FNDC3A: variants seen among roughly 807,000 people sequenced by gnomAD.
The protein encoded by FNDC3A is fibronectin type-III domain-containing protein 3A.
FNDC3A carries 32 observed loss-of-function variants against 148.9 expected under a neutral mutation model. The ratio of observed to expected loss-of-function variants is 0.21; its 90% CI spans 0.16 to 0.29. The LOEUF (loss-of-function observed/expected upper bound fraction) is 0.29, where lower values mean the gene tolerates loss of function less well. Among genes scored for constraint, FNDC3A ranks in the 10% least tolerant of loss-of-function variants. FNDC3A has a pLI of 1.00. For synonymous variants in FNDC3A, 472 were observed against 473.6 expected (o/e 1.00, Z 0.04); for missense variants, 1,191 against 1,452.8 (o/e 0.82, Z 2.93).
chr13:49,117,088 CA>C (rs146466620), intron 4 of FNDC3A, among the ~76,000 whole-genome samples: 2,754 of 152,220 alleles, frequency 0.018, 80 homozygotes, highest in African/African-American at 0.063. Flanking sequence ...TACTTATCTT[CA>C]TATCCTCAAT....
chr13:49,115,508 T>C (rs1457309923), intron 4 of FNDC3A, among the ~76,000 whole-genome samples: 1 of 152,212 alleles, frequency 6.6e-6, no homozygotes, highest in African/African-American at 2.4e-5. Flanking sequence ...GTGGATTTTC[T>C]GCACACTCTG....
intron 2 of FNDC3A, among the ~76,000 whole-genome samples, chr13:49,015,028 A>T (rs999453324): frequency 6.6e-6 from 1 of 152,066 alleles, no homozygotes; most frequent in Non-Finnish European, 1.5e-5. Flanking sequence ...GAAGTCAGGT[A>T]GCGTGATGCC....
intron 8 of FNDC3A, chr13:49,146,173 G>C (rs1002297236): frequency 2.3e-6 from 1 of 429,354 alleles, no homozygotes; most frequent in Non-Finnish European, 4.1e-6. Flanking sequence ...TTTCCCAGTA[G>C]GCTCCCTAAT....
intron 2 of FNDC3A, among the ~76,000 whole-genome samples, chr13:49,054,535 C>T (rs1213437222): frequency 6.6e-6 from 1 of 152,210 alleles, no homozygotes; most frequent in African/African-American, 2.4e-5. Flanking sequence ...ACCCAAACCA[C>T]CTTGGGCACA....
At position 49,136,319 on chromosome 13, in the gene FNDC3A, T is replaced by G. The variant is rs1882353194; in HGVS notation, c.491-13T>G. 1 of 1,598,344 alleles carries G rather than the reference T, an allele frequency of 6.3e-7. No individual in the cohort carries two copies. Among genetic ancestry groups the G allele is most frequent in the East Asian group, 2.2e-5 (1 of 44,602 alleles). On this transcript the variant is annotated splice_polypyrimidine_tract_variant and intron_variant, in intron 5 of 25. Coordinates refer to ENST00000492622, the MANE Select transcript of FNDC3A (RefSeq NM_001079673.2). ...AGTGATCTTCTTAACATTTTGTTTTTATTGCCTCCTAGATGCTCACTCTAC... is the reference window on the plus strand; with the variant it reads ...AGTGATCTTCTTAACATTTTGTTTTGATTGCCTCCTAGATGCTCACTCTAC...
intron 14 of FNDC3A, among the ~76,000 whole-genome samples, chr13:49,182,590 T>C (rs1392883064): frequency 3.3e-5 from 5 of 152,142 alleles, no homozygotes; most frequent in Non-Finnish European, 7.4e-5. Flanking sequence ...GTAAGGCTTC[T>C]AAAGGTCAAG....
chr13:49,021,997 T>A (rs1485761140), intron 2 of FNDC3A, among the ~76,000 whole-genome samples: 1 of 152,248 alleles, frequency 6.6e-6, no homozygotes, highest in Admixed American at 6.5e-5. Flanking sequence ...AATAAAACTA[T>A]GTTCAAAGCC....
chr13:49,007,784 C>T (rs1456201383), intron 2 of FNDC3A, among the ~76,000 whole-genome samples: 4 of 152,054 alleles, frequency 2.6e-5, no homozygotes, highest in Non-Finnish European at 5.9e-5. Flanking sequence ...TTTAAAGGAG[C>T]AGGTGGAGTT....
chr13:49,074,709 A>T (rs1877974048), intron 2 of FNDC3A, among the ~76,000 whole-genome samples: 1 of 152,190 alleles, frequency 6.6e-6, no homozygotes, highest in Admixed American at 6.5e-5. Context: ...GCAGCATAAG[A>T]AGTTTATTAG....
intron 2 of FNDC3A, among the ~76,000 whole-genome samples, chr13:49,070,298 A>C (rs995275179): frequency 6.6e-6 from 1 of 152,132 alleles, no homozygotes; most frequent in Non-Finnish European, 1.5e-5. Context: ...CGCCCAGCTA[A>C]TAAGTAGTGT....
chr13:48,987,707 T>C (rs754053766), intron 1 of FNDC3A, among the ~76,000 whole-genome samples: 16 of 152,232 alleles, frequency 1.1e-4, no homozygotes, highest in South Asian at 6.2e-4. Flanking sequence ...ACAATCTGTG[T>C]AAATTATTGA....
chr13:49,043,829 C>T (rs907699676), intron 2 of FNDC3A, among the ~76,000 whole-genome samples: 1 of 152,032 alleles, frequency 6.6e-6, no homozygotes, highest in African/African-American at 2.4e-5. Flanking sequence ...TATACATTGA[C>T]CCCTCTCCTT....
intron 2 of FNDC3A, among the ~76,000 whole-genome samples, chr13:49,012,723 T>G (rs1952377124): frequency 6.6e-6 from 1 of 152,112 alleles, no homozygotes; most frequent in African/African-American, 2.4e-5. Flanking sequence ...ACAGTGAAGT[T>G]TTATAATTTT....
At chr13:49,142,540 A>G (rs74473929) in intron 7 of FNDC3A, among the ~76,000 whole-genome samples, 2,841 of 152,296 alleles carry the variant, frequency 0.019, 93 homozygotes, top group African/African-American at 0.063. Context: ...GTCTTCACAC[A>G]GGAATTTTGT....
chr13:49,025,493 A>G (rs1003074998), intron 2 of FNDC3A, among the ~76,000 whole-genome samples: 21 of 152,102 alleles, frequency 1.4e-4, no homozygotes, highest in African/African-American at 4.8e-4. Context: ...TGTGTCCTCA[A>G]ACATGTTATT....
At chr13:49,151,638 C>G (rs186681807) in intron 8 of FNDC3A, among the ~76,000 whole-genome samples, 2 of 152,034 alleles carry the variant, frequency 1.3e-5, no homozygotes, top group Admixed American at 1.3e-4. Flanking sequence ...AGGTTTGTTA[C>G]ATAGGTATAC....
chr13:49,143,171 A>C (rs1882786222), intron 7 of FNDC3A, among the ~76,000 whole-genome samples: 1 of 152,144 alleles, frequency 6.6e-6, no homozygotes, highest in Non-Finnish European at 1.5e-5. Context: ...CCCAGCCATA[A>C]GATCTTTTTA....
intron 19 of FNDC3A, among the ~76,000 whole-genome samples, chr13:49,193,940 CA>C (rs541401392): frequency 1.7e-4 from 25 of 150,624 alleles, no homozygotes; most frequent in African/African-American, 5.6e-4. Context: ...CAATTAAAAA[CA>C]AAAAACTATT....
At chr13:49,049,673 A>G (rs1259566544) in intron 2 of FNDC3A, among the ~76,000 whole-genome samples, 1 of 151,318 alleles carries the variant, frequency 6.6e-6, no homozygotes, top group Non-Finnish European at 1.5e-5. Context: ...TTGTGTTTCT[A>G]GTTGAGCTTA....
Sources: allele counts gnomAD v4.1 joint callset (sites outside exome capture counted in the v4.1 genomes callset), GRCh38; gene constraint gnomAD v4.1.1; transcripts MANE v1.5; gene names NCBI Gene and HGNC (gene_info 2026-07-23, HGNC 2026-07-21).